Variants in SMCO4 observed in about 807,000 individuals in gnomAD.
SMCO4 encodes single-pass membrane protein with coiled-coil domains 4, also known as single-pass membrane and coiled-coil domain-containing protein 4.
In SMCO4, 4 loss-of-function variants were observed where a neutral mutation model predicts 3.6. The observed-to-expected ratio is 1.11, with a 90% confidence interval of 0.54 to 2.53. The LOEUF (loss-of-function observed/expected upper bound fraction) is 2.53. Among genes scored for constraint, SMCO4 ranks in the 30% most tolerant of loss-of-function variants. SMCO4 has a pLI of 0.02. For synonymous variants in SMCO4, 36 were observed against 35.3 expected (o/e 1.02, Z -0.07); for missense variants, 70 against 80.8 (o/e 0.87, Z 0.51).
intron 1 of SMCO4, among the ~76,000 whole-genome samples, chr11:93,527,450 A>G (rs1022384926): frequency 2.0e-5 from 3 of 152,166 alleles, no homozygotes; most frequent in African/African-American, 7.2e-5. Flanking sequence ...ACACTTAAAA[A>G]TAGTTGAAAA....
chr11:93,520,722 AG>A (rs1949049558), intron 1 of SMCO4, among the ~76,000 whole-genome samples: 1 of 152,260 alleles, frequency 6.6e-6, no homozygotes, highest in Admixed American at 6.5e-5. Flanking sequence ...GACTTTAAGG[AG>A]AAAGAAGGCT....
chr11:93,539,846 C>A (rs1949257133), intron 1 of SMCO4, among the ~76,000 whole-genome samples: 1 of 152,078 alleles, frequency 6.6e-6, no homozygotes, highest in Non-Finnish European at 1.5e-5. Flanking sequence ...CTTTGACCGT[C>A]AGCCAGCCCA....
intron 1 of SMCO4, among the ~76,000 whole-genome samples, chr11:93,522,684 C>T (rs746931660): frequency 2.1e-4 from 32 of 152,204 alleles, no homozygotes; most frequent in Non-Finnish European, 7.3e-5. Flanking sequence ...ACTGACCGCA[C>T]CAGGTGGTAT....
At chr11:93,526,255 G>A (rs569194626) in intron 1 of SMCO4, among the ~76,000 whole-genome samples, 7 of 151,308 alleles carry the variant, frequency 4.6e-5, no homozygotes, top group East Asian at 1.9e-4. Context: ...CCACTCACAC[G>A]CTTGGCTGCT....
chr11:93,518,970 T>C (rs1336511044), intron 1 of SMCO4, among the ~76,000 whole-genome samples: 2 of 152,226 alleles, frequency 1.3e-5, no homozygotes, highest in African/African-American at 2.4e-5. Context: ...TACAAGTCTC[T>C]AATGTCAAAA....
intron 2 of SMCO4, among the ~76,000 whole-genome samples, chr11:93,489,507 C>G (rs746933846): frequency 3.9e-5 from 6 of 152,162 alleles, no homozygotes; most frequent in Non-Finnish European, 5.9e-5. Context: ...GCTTGGGGCC[C>G]ACTGCAGTTG....
intron 1 of SMCO4, among the ~76,000 whole-genome samples, chr11:93,528,814 A>G (rs1226972827): frequency 6.6e-6 from 1 of 152,242 alleles, no homozygotes; most frequent in Non-Finnish European, 1.5e-5. Context: ...ACCAATCTGG[A>G]TACCAGAAGA....
rs77077164 is a variant in SMCO4, at chr11:93,502,497, A to G, written c.-153-3149T>C. 3.6e-3 allele frequency among the ~76,000 whole-genome samples: 549 copies of G among 152,334 alleles called. 1 individual carries two copies. Among genetic ancestry groups the G allele is most frequent in the Non-Finnish European group, 6.2e-3 (424 of 68,042 alleles). On this transcript the variant is annotated intron_variant, in intron 1 of 2. Transcript: ENST00000298966. ...AAAATGTAGGGTCCCTATGCTGTAC[A>G]TTTCAGGCTTAAAGGGCAGACTATA...
intron 1 of SMCO4, chr11:93,537,748 G>T (rs1251539676): frequency 6.6e-6 from 1 of 151,876 alleles, no homozygotes; most frequent in East Asian, 2.0e-4. Flanking sequence ...GGACTGCCGA[G>T]AAGTGCCCTC....
chr11:93,505,038 T>C (rs1287334757), intron 1 of SMCO4, among the ~76,000 whole-genome samples: 1 of 152,212 alleles, frequency 6.6e-6, no homozygotes, highest in Non-Finnish European at 1.5e-5. Context: ...TTATTAAACA[T>C]GAGGCACTAA....
intron 2 of SMCO4, among the ~76,000 whole-genome samples, chr11:93,495,823 A>T (rs185680489): frequency 6.6e-6 from 1 of 152,184 alleles, no homozygotes; most frequent in Non-Finnish European, 1.5e-5. Flanking sequence ...GGAACAAATC[A>T]CTCCTTGTTC....
At chr11:93,491,845 A>G (rs1948721349) in intron 2 of SMCO4, among the ~76,000 whole-genome samples, 1 of 152,124 alleles carries the variant, frequency 6.6e-6, no homozygotes, top group Admixed American at 6.5e-5. Flanking sequence ...CCATGTTTTT[A>G]TGGCCAGGTG....
At chr11:93,553,488 A>G in the SMCO4 span, among the ~76,000 whole-genome samples, 15 of 152,240 alleles carry the variant, frequency 9.9e-5, no homozygotes, top group African/African-American at 3.6e-4. Flanking sequence ...AACAAACCAC[A>G]GTATTATTAG....
At chr11:93,543,081 C>T (rs1397296740) in intron 1 of SMCO4, among the ~76,000 whole-genome samples, 195 bp downstream of exon 1, 4 of 151,806 alleles carry the variant, frequency 2.6e-5, no homozygotes, top group Admixed American at 1.3e-4. Flanking sequence ...CAACCCCGCC[C>T]GCACGAGTTG....
intron 2 of SMCO4, among the ~76,000 whole-genome samples, chr11:93,495,041 C>A (rs1462845709): frequency 2.6e-5 from 4 of 152,054 alleles, no homozygotes; most frequent in African/African-American, 9.7e-5. Context: ...AGGCCTTTAT[C>A]CATGCAGCTG....
intron 2 of SMCO4, among the ~76,000 whole-genome samples, chr11:93,482,740 G>T (rs1036542366): frequency 6.6e-6 from 1 of 152,216 alleles, no homozygotes; most frequent in African/African-American, 2.4e-5. Context: ...AACTGTCAGT[G>T]GCACGTGCTC....
intron 2 of SMCO4, among the ~76,000 whole-genome samples, chr11:93,485,141 A>T: frequency 6.6e-6 from 1 of 152,242 alleles, no homozygotes; most frequent in East Asian, 1.9e-4. Context: ...TAATGTGGCT[A>T]CTAGAAAAGT....
chr11:93,479,711 C>G (rs563594289), intron 2 of SMCO4, among the ~76,000 whole-genome samples: 10 of 152,326 alleles, frequency 6.6e-5, no homozygotes, highest in Non-Finnish European at 1.3e-4. Flanking sequence ...CACGTAGCCC[C>G]CTTCCTGCCC....
intron 2 of SMCO4, among the ~76,000 whole-genome samples, chr11:93,489,060 G>A (rs1465160777): frequency 1.3e-5 from 2 of 152,146 alleles, no homozygotes; most frequent in Non-Finnish European, 2.9e-5. Context: ...GAGGGAGGGT[G>A]GCAGCAGGCA....
Sources: gnomAD v4.1 joint callset for allele counts (sites outside exome capture counted in the v4.1 genomes callset) on GRCh38, gnomAD v4.1.1 for gene constraint, MANE v1.5 for transcripts, NCBI Gene and HGNC (gene_info 2026-07-23, HGNC 2026-07-21) for gene names.